The following DDRGK1 variants were observed in gnomAD, a reference collection of about 807,000 sequenced individuals.
The protein encoded by DDRGK1 is DDRGK domain containing 1, also known as DDRGK domain-containing protein 1.
Under a neutral mutation model 45.8 loss-of-function variants are expected in DDRGK1, and 38 were observed. The ratio of observed to expected loss-of-function variants is 0.83; its 90% CI spans 0.64 to 1.09. The LOEUF (loss-of-function observed/expected upper bound fraction) is 1.09, where lower values mean the gene tolerates loss of function less well. Among genes scored for constraint, DDRGK1 ranks in the 50% least tolerant of loss-of-function variants. DDRGK1 has a pLI of 0.00. For missense variants in DDRGK1, 403 were observed against 419.9 expected (o/e 0.96, Z 0.35); for synonymous variants, 171 against 168.7 (o/e 1.01, Z -0.11).
chr20:3,191,764 C>T lies in DDRGK1; in HGVS notation c.729+1G>A. The T allele has an allele frequency of 6.2e-7, 1 of 1,603,382 alleles. No individual in the cohort carries two copies. The highest frequency in any genetic ancestry group is 8.5e-7 in the Non-Finnish European group (1 of 1,174,772). On this transcript the variant is annotated splice_donor_variant, in intron 7 of 8. Transcript: ENST00000354488. LOFTEE classifies it high-confidence loss of function. ...ACAGCAGGCCACGTTCCAGGGCTTA[C>T]CTGAGTGCGTAGGCCCACCTGGGAA...
intron 4 of DDRGK1, among the ~76,000 whole-genome samples, chr20:3,196,519 TACA>T (rs2067010985): frequency 7.7e-5 from 5 of 65,164 alleles, no homozygotes; most frequent in Non-Finnish European, 1.4e-4. Context: ...CCACTAAAAA[TACA>T]AAAAAAAAAT....
In DDRGK1 at chr20:3,191,226, G is replaced by A. The variant is rs151280429; in HGVS notation, c.742C>T (p.Arg248Cys). The A allele has an allele frequency of 3.2e-5, 51 of 1,614,044 alleles. No homozygotes were observed. The highest frequency in any genetic ancestry group is 3.3e-4 in the Middle Eastern group (2 of 6,084). ...CCCTCAGCCAGCAGGTCCTGGATGC[G>A]ATTTATGGTGTCCTATGAGGAGAAC... Reference protein sequence around the residue: ...VGLRTQDTINRIQDLLAEGTI... With the variant: ...VGLRTQDTINCIQDLLAEGTI... The change falls in exon 8 of 9, where the codon CGC (arginine) becomes TGC (cysteine). Residue 248 changes from arginine (R) to cysteine (C), a missense_variant. Coordinates refer to ENST00000354488, the MANE Select transcript of DDRGK1 (RefSeq NM_023935.3).
Position 3,200,455 on chromosome 20 carries a change from C to G in DDRGK1, c.296-1G>C. 6.4e-7 allele frequency: 1 copy of G among 1,566,578 alleles called. No individual in the cohort carries two copies. The highest frequency in any genetic ancestry group is 8.7e-7 in the Non-Finnish European group (1 of 1,154,870). ...TTCTCGACACCTTCCTCCTCCTGGG[C>G]TGGGTATGGTCAAAGAAAGACAGTT... On this transcript the variant is annotated splice_acceptor_variant, in intron 2 of 8. Transcript: ENST00000354488. LOFTEE classifies it high-confidence loss of function.
intron 4 of DDRGK1, among the ~76,000 whole-genome samples, chr20:3,199,665 C>T (rs2067027107): frequency 6.6e-6 from 1 of 152,210 alleles, no homozygotes; most frequent in African/African-American, 2.4e-5. Flanking sequence ...TCTTCCTCAG[C>T]CTCAAGGCCT....
At chr20:3,199,751 C>T (rs1356495477) in intron 4 of DDRGK1, among the ~76,000 whole-genome samples, 3 of 152,184 alleles carry the variant, frequency 2.0e-5, no homozygotes, top group South Asian at 2.1e-4. Flanking sequence ...CTATCCTCCT[C>T]GCCTCGCGTT....
At chr20:3,201,470 C>G (rs1365466101) in intron 2 of DDRGK1, among the ~76,000 whole-genome samples, 1 of 139,746 alleles carries the variant, frequency 7.2e-6, no homozygotes, top group East Asian at 2.2e-4. Flanking sequence ...CAGAGCAAGA[C>G]TCTGTCTCAA....
chr20:3,191,715 C>G, intron 7 of DDRGK1, 50 bp downstream of exon 7: 1 of 1,564,180 alleles, frequency 6.4e-7, no homozygotes, highest in Non-Finnish European at 8.7e-7. Flanking sequence ...CTCTGCTAGC[C>G]ACAGACCCCT....
rs73891123 is a variant in DDRGK1, at chr20:3,195,330, G to T, written c.534C>A (p.Arg178=). 2.5e-6 allele frequency: 4 copies of T among 1,607,394 alleles called. No individual in the cohort carries two copies. Among genetic ancestry groups the T allele is most frequent in the East Asian group, 2.2e-5 (1 of 44,854 alleles). ...CATGCTCCCGCTGGGCCTGCTCCTC[G>T]CGGGCCTTCCTCTCCTCCTCCTCCT... ...EQKEEEERKA[R]EEQAQREHEE... is the part of the protein sequence containing the mutation. Residue 178 remains arginine, a synonymous_variant, in exon 5 of 9, where the codon CGC becomes CGA. Coordinates refer to ENST00000354488, the MANE Select transcript of DDRGK1 (RefSeq NM_023935.3).
intron 4 of DDRGK1, among the ~76,000 whole-genome samples, chr20:3,199,178 GAAT>G (rs1459153565): frequency 6.6e-6 from 1 of 152,006 alleles, no homozygotes; most frequent in Non-Finnish European, 1.5e-5. Context: ...AGAAAAATCT[GAAT>G]AATGTTAGAG....
Position 3,190,353 on chromosome 20 carries a change from A to G in DDRGK1, c.*300T>C, listed in dbSNP as rs760996740. 1.1e-5 allele frequency: 4 copies of G among 358,626 alleles called. No individual in the cohort carries two copies. The highest frequency in any genetic ancestry group is 2.0e-5 in the Non-Finnish European group (4 of 197,474). The allele number at this position is 358,626 out of a possible 1,614,324, so 22.2% of individuals were successfully genotyped here. On this transcript the variant is annotated 3_prime_UTR_variant, in exon 9 of 9. Coordinates refer to ENST00000354488, the MANE Select transcript of DDRGK1 (RefSeq NM_023935.3). The stretch of plus-strand genomic sequence containing the variant: ...TGCAGGGCACAAAGAAACAGAGTAA[A>G]TGTGCAACAGGCTATTTTCTTGAAT...
intron 1 of DDRGK1, among the ~76,000 whole-genome samples, chr20:3,203,895 T>C (rs1477592973): frequency 2.0e-5 from 3 of 152,112 alleles, no homozygotes; most frequent in Non-Finnish European, 4.4e-5. Flanking sequence ...CAGAGGTAGC[T>C]TGTGGGCCCA....
chr20:3,203,514 G>A (rs1014038348), intron 1 of DDRGK1, 98 bp from the exon 2 acceptor site: 10 of 1,404,528 alleles, frequency 7.1e-6, no homozygotes, highest in African/African-American at 2.9e-5. Flanking sequence ...TCTGCTTAGC[G>A]GCCTGCTGCC....
Position 3,201,114 on chromosome 20 carries a change from GA to G in DDRGK1, c.296-661del, listed in dbSNP as rs201500387. ...GACAGAGTGAGACACTGTCTCAGGG[GA>G]AAAAAAAATACAAAAATAATTAGCC... is the stretch of plus-strand genomic sequence containing the variant. On this transcript the variant is annotated intron_variant, in intron 2 of 8. Transcript: ENST00000354488. Among the ~76,000 whole-genome samples, 276 of 137,876 alleles carry G rather than the reference GA, an allele frequency of 2.0e-3. 6 individuals carry two copies. In the East Asian group the frequency reaches 0.051, roughly 26 times the overall value. The allele number at this position is 137,876 out of a possible 152,430, so 90.5% of individuals were successfully genotyped here. A position where few individuals can be genotyped will look rare whatever the true frequency, so the allele number is the denominator to read the frequency against.
chr20:3,199,382 C>T (rs2067026014), intron 4 of DDRGK1, among the ~76,000 whole-genome samples: 1 of 152,192 alleles, frequency 6.6e-6, no homozygotes. Context: ...TCTGGCTTAT[C>T]AGCCACAGCA....
At chr20:3,201,672 T>G (rs2067040442) in intron 2 of DDRGK1, among the ~76,000 whole-genome samples, 1 of 151,580 alleles carries the variant, frequency 6.6e-6, no homozygotes, top group Admixed American at 6.6e-5. Context: ...GTTTTTTTTT[T>G]TTTGAGACGG....
intron 4 of DDRGK1, among the ~76,000 whole-genome samples, chr20:3,198,299 G>A (rs192045133): frequency 1.3e-5 from 2 of 150,710 alleles, no homozygotes; most frequent in Admixed American, 6.6e-5. Flanking sequence ...ACCTACTCGG[G>A]AGAATGAGGC....
chr20:3,194,666 A>C, intron 6 of DDRGK1, 164 bp downstream of exon 6: 1 of 867,778 alleles, frequency 1.2e-6, no homozygotes, highest in Non-Finnish European at 1.7e-6. Flanking sequence ...GGTTGGAGGG[A>C]GAGAAACTCT....
rs1318150937 is a variant in DDRGK1 at position 3,190,409 on chromosome 20, C to T, written c.*244G>A. 2 of 526,006 alleles carry T rather than the reference C, an allele frequency of 3.8e-6. No homozygotes were observed. Among genetic ancestry groups the T allele is most frequent in the Non-Finnish European group, 6.7e-6 (2 of 298,506 alleles). The allele number at this position is 526,006 out of a possible 1,614,324, so 32.6% of individuals were successfully genotyped here. A position where few individuals can be genotyped will look rare whatever the true frequency, so the allele number is the denominator to read the frequency against. Reference sequence around the variant, plus strand: ...GATTCATAATAAGAACAGGACTTCACCAGCTTCCAAGGGACCCTCCCCACC... The same window carrying T: ...GATTCATAATAAGAACAGGACTTCATCAGCTTCCAAGGGACCCTCCCCACC... On this transcript the variant is annotated 3_prime_UTR_variant, in exon 9 of 9. Transcript: ENST00000354488.
rs34302663 is a variant in DDRGK1, at chr20:3,198,100, T to TAA, written c.510+1899_510+1900dup. Among the ~76,000 whole-genome samples the TAA allele has an allele frequency of 4.0e-3, 211 of 53,022 alleles. 3 individuals are homozygous for TAA. The highest frequency in any genetic ancestry group is 0.012 in the East Asian group (21 of 1,808). 34.8% of individuals were successfully genotyped at this position (53,022 alleles called of 152,430 possible). A position where few individuals can be genotyped will look rare whatever the true frequency, so the allele number is the denominator to read the frequency against. ...GGTGAGAGTGAGACTCCATCTCTCTTAAAAAAAAAAAAAAAAAAAAAAAAA... is the reference window on the plus strand; with the variant it reads ...GGTGAGAGTGAGACTCCATCTCTCTTAAAAAAAAAAAAAAAAAAAAAAAAAAA... On this transcript the variant is annotated intron_variant, in intron 4 of 8. Coordinates refer to ENST00000354488, the MANE Select transcript of DDRGK1 (RefSeq NM_023935.3).
Sources: allele counts gnomAD v4.1 joint callset (sites outside exome capture counted in the v4.1 genomes callset), GRCh38; gene constraint gnomAD v4.1.1; transcripts MANE v1.5; gene names NCBI Gene and HGNC (gene_info 2026-07-23, HGNC 2026-07-21).